Variants in ESRRG observed in about 807,000 individuals in gnomAD.
The protein encoded by ESRRG is estrogen related receptor gamma.
In ESRRG, 13 loss-of-function variants were observed where a neutral mutation model predicts 44.0. That is an observed-to-expected ratio of 0.30 (90% CI 0.19 to 0.47). The LOEUF is 0.47. Ranked by LOEUF, ESRRG falls within the 20% of genes least tolerant of loss-of-function variation. ESRRG has a pLI of 1.00. For synonymous variants in ESRRG, 215 were observed against 214.6 expected (o/e 1.00, Z -0.02); for missense variants, 395 against 580.6 (o/e 0.68, Z 3.29).
At chr1:216,543,807 AAG>A (rs1198505243) in intron 5 of ESRRG, among the ~76,000 whole-genome samples, 1 of 152,032 alleles carries the variant, frequency 6.6e-6, no homozygotes, top group South Asian at 2.1e-4. Flanking sequence ...ATGTCTTTTT[AAG>A]AGATAGTTCA....
intron 5 of ESRRG, among the ~76,000 whole-genome samples, chr1:216,536,639 T>C (rs1320458012): frequency 6.6e-6 from 1 of 152,096 alleles, no homozygotes; most frequent in Admixed American, 6.6e-5. Flanking sequence ...TCCTTCATTG[T>C]CAGGGCCCAA....
chr1:216,936,859 C>T (rs1443617721), intron 2 of ESRRG, among the ~76,000 whole-genome samples: 1 of 152,102 alleles, frequency 6.6e-6, no homozygotes, highest in Non-Finnish European at 1.5e-5. Context: ...AAATTGCCAC[C>T]TTGCACCCTT....
At chr1:216,665,327 C>T (rs1216000187) in intron 2 of ESRRG, among the ~76,000 whole-genome samples, 1 of 152,036 alleles carries the variant, frequency 6.6e-6, no homozygotes, top group Non-Finnish European at 1.5e-5. Context: ...GGTACACATC[C>T]CCTGCAGATA....
chr1:216,608,775 A>C (rs541897950), intron 3 of ESRRG, among the ~76,000 whole-genome samples: 1 of 152,256 alleles, frequency 6.6e-6, no homozygotes, highest in Non-Finnish European at 1.5e-5. Context: ...GAAATCACTA[A>C]CCATATTATT....
At chr1:216,858,920 G>T (rs950452403) in intron 2 of ESRRG, among the ~76,000 whole-genome samples, 2 of 152,174 alleles carry the variant, frequency 1.3e-5, no homozygotes, top group Non-Finnish European at 2.9e-5. Context: ...ACCCTAGTTG[G>T]CATGGACCTT....
At chr1:216,606,917 T>C (rs1476618074) in intron 3 of ESRRG, among the ~76,000 whole-genome samples, 1 of 151,906 alleles carries the variant, frequency 6.6e-6, no homozygotes, top group Non-Finnish European at 1.5e-5. Context: ...TGTTGAGGGG[T>C]GGAAAGGAAA....
intron 3 of ESRRG, among the ~76,000 whole-genome samples, chr1:216,598,355 T>A (rs955758475): frequency 3.3e-5 from 5 of 152,312 alleles, no homozygotes; most frequent in Admixed American, 2.6e-4. Flanking sequence ...CAAATAGATG[T>A]GGCATTTGTG....
upstream of ESRRG, among the ~76,000 whole-genome samples, chr1:216,724,739 C>T (rs10495034): frequency 0.061 from 9,324 of 152,090 alleles, 358 homozygotes; most frequent in African/African-American, 0.091. Context: ...CAATTGTGTA[C>T]ACCGTGTCTT....
At chr1:216,807,607 G>T (rs568690456) in intron 2 of ESRRG, among the ~76,000 whole-genome samples, 1 of 152,184 alleles carries the variant, frequency 6.6e-6, no homozygotes, top group Non-Finnish European at 1.5e-5. Context: ...TTGAGGTACA[G>T]ATATCTGACA....
chr1:217,069,272 C>T (rs1322447834), intron 1 of ESRRG, among the ~76,000 whole-genome samples: 4 of 152,120 alleles, frequency 2.6e-5, no homozygotes, highest in African/African-American at 9.7e-5. Context: ...ACTCCAAGTT[C>T]TTCAATTTTG....
chr1:216,742,478 T>C (rs2090873266), intron 2 of ESRRG, among the ~76,000 whole-genome samples: 1 of 152,188 alleles, frequency 6.6e-6, no homozygotes, highest in African/African-American at 2.4e-5. Context: ...GGTTCATCTT[T>C]ATATTCCCAC....
At chr1:216,873,208 A>ATTTTTTTT (rs2096282272) in intron 2 of ESRRG, among the ~76,000 whole-genome samples, 1 of 54,494 alleles carries the variant, frequency 1.8e-5, no homozygotes, top group Non-Finnish European at 3.2e-5. Context: ...ACATCTTTTC[A>ATTTTTTTT]GTTTTTTTTT....
At chr1:216,706,258 C>T (rs930534310) in intron 1 of ESRRG, among the ~76,000 whole-genome samples, 5 of 146,014 alleles carry the variant, frequency 3.4e-5, no homozygotes, top group African/African-American at 1.0e-4. Context: ...AAGACTATGG[C>T]GGGGGTGGGG....
chr1:216,584,191 CTAAAT>C (rs2063323135), intron 3 of ESRRG, among the ~76,000 whole-genome samples: 1 of 151,924 alleles, frequency 6.6e-6, no homozygotes, highest in African/African-American at 2.4e-5. Context: ...TCTTTCTAAA[CTAAAT>C]TATCTTTTTT....
intron 1 of ESRRG, among the ~76,000 whole-genome samples, chr1:216,992,260 G>A (rs1450810752): frequency 1.3e-5 from 2 of 152,176 alleles, no homozygotes; most frequent in Non-Finnish European, 2.9e-5. Flanking sequence ...CTTTTTGAAA[G>A]TCTTATTCAC....
chr1:216,977,028 A>G (rs1195520082), intron 1 of ESRRG, among the ~76,000 whole-genome samples: 1 of 152,110 alleles, frequency 6.6e-6, no homozygotes, highest in Non-Finnish European at 1.5e-5. Context: ...AGTCATGCCT[A>G]TAGTCATAAA....
intron 2 of ESRRG, among the ~76,000 whole-genome samples, chr1:216,672,002 T>C (rs2075272011): frequency 6.8e-6 from 1 of 147,510 alleles, no homozygotes; most frequent in African/African-American, 2.6e-5. Context: ...TAATGAGAAG[T>C]TCCCAAAAAA....
chr1:216,618,430 C>T (rs930239634), intron 3 of ESRRG, among the ~76,000 whole-genome samples: 2 of 152,218 alleles, frequency 1.3e-5, no homozygotes, highest in African/African-American at 4.8e-5. Flanking sequence ...GGAATTGAAT[C>T]TGCCACCTTA....
At chr1:216,877,521 C>T (rs1016806492) in intron 2 of ESRRG, among the ~76,000 whole-genome samples, 12 of 151,774 alleles carry the variant, frequency 7.9e-5, no homozygotes, top group South Asian at 6.3e-4. Context: ...CTCCTGCCTC[C>T]GTCTCCCGAG....
Sources: allele counts gnomAD v4.1 joint callset (sites outside exome capture counted in the v4.1 genomes callset), GRCh38; gene constraint gnomAD v4.1.1; transcripts MANE v1.5; gene names NCBI Gene and HGNC (gene_info 2026-07-23, HGNC 2026-07-21).